The following P2RY10 variants were observed in gnomAD, a reference collection of about 807,000 sequenced individuals.
P2RY10 encodes the protein putative P2Y purinoceptor 10.
A neutral mutation model predicts 12.1 loss-of-function variants in P2RY10; 4 were observed. That is an observed-to-expected ratio of 0.33 (90% confidence interval 0.16 to 0.76). The LOEUF is 0.76. Ranked by LOEUF, P2RY10 falls within the 30% of genes least tolerant of loss-of-function variation. The pLI is 0.61. For missense variants in P2RY10, 233 were observed against 264.6 expected (o/e 0.88, Z 0.83); for synonymous variants, 112 against 94.1 (o/e 1.19, Z -1.10).
intron 3 of P2RY10, among the ~76,000 whole-genome samples, chrX:78,955,425 T>C (rs1476444119): frequency 8.9e-6 from 1 of 112,450 alleles, no homozygotes; most frequent in Non-Finnish European, 1.9e-5. Flanking sequence ...AAAGCTTATA[T>C]ACCATCTTGA....
intron 2 of P2RY10, among the ~76,000 whole-genome samples, chrX:78,948,814 C>T (rs1921969227): frequency 8.9e-6 from 1 of 112,152 alleles, no homozygotes; most frequent in Non-Finnish European, 1.9e-5. Context: ...CTTTTTATGG[C>T]TGAGGAGTAT....
chrX:78,946,604 A>G (rs776870021), intron 1 of P2RY10, among the ~76,000 whole-genome samples: 1 of 112,289 alleles, frequency 8.9e-6, no homozygotes, highest in African/African-American at 3.2e-5. Context: ...TATGATGTAT[A>G]TTAATTGGAG....
chrX:78,954,599 T>A, intron 3 of P2RY10, among the ~76,000 whole-genome samples: 1 of 112,237 alleles, frequency 8.9e-6, no homozygotes, highest in Middle Eastern at 4.6e-3. Flanking sequence ...CTTTGTTACC[T>A]CTTTCATGAA....
intron 3 of P2RY10, among the ~76,000 whole-genome samples, chrX:78,958,849 T>G (rs945333567): frequency 3.6e-5 from 4 of 111,439 alleles, no homozygotes; most frequent in Admixed American, 9.5e-5. Context: ...AAAGCAAAAG[T>G]TTTATTTACA....
Position 78,947,879 on chromosome X carries a change from T to G in P2RY10, c.-157+16T>G. 1 of 648,934 alleles carries G rather than the reference T, an allele frequency of 1.5e-6. No homozygotes were observed. The highest frequency in any genetic ancestry group is 7.9e-5 in the South Asian group (1 of 12,609). The allele number at this position is 648,934 out of a possible 1,213,427, so 53.5% of individuals were successfully genotyped here. A position where few individuals can be genotyped will look rare whatever the true frequency, so the allele number is the denominator to read the frequency against. On this transcript the variant is annotated intron_variant, in intron 2 of 3. Coordinates refer to ENST00000171757, the MANE Select transcript of P2RY10 (RefSeq NM_014499.4). ...CAAATGCTTTGTAAGTAATTTCCCT[T>G]TTTTAAAAATGAGAAAATGCAAGAC... is the stretch of plus-strand genomic sequence containing the variant.
chrX:78,957,518 A>G (rs1922397245), intron 3 of P2RY10, among the ~76,000 whole-genome samples: 1 of 110,297 alleles, frequency 9.1e-6, no homozygotes, highest in African/African-American at 3.3e-5. Context: ...CCTTTCTTAT[A>G]TTTCAGAAAT....
At chrX:78,955,477 G>A (rs760165355) in intron 3 of P2RY10, among the ~76,000 whole-genome samples, 13 of 112,658 alleles carry the variant, frequency 1.2e-4, no homozygotes, top group African/African-American at 3.5e-4. Flanking sequence ...TTCAAAAACA[G>A]TTTTTGGTGG....
intron 2 of P2RY10, among the ~76,000 whole-genome samples, chrX:78,950,982 T>A (rs1192349975): frequency 8.9e-6 from 1 of 111,982 alleles, no homozygotes; most frequent in Non-Finnish European, 1.9e-5. Flanking sequence ...ACTTAGCTAG[T>A]TACTGACAGG....
In P2RY10 at chrX:78,961,511, A is replaced by G. The variant is rs1363721648; in HGVS notation, c.991A>G (p.Lys331Glu). 1 of 1,202,925 alleles carries G rather than the reference A, an allele frequency of 8.3e-7. No individual in the cohort carries two copies. The highest frequency in any genetic ancestry group is 1.1e-6 in the Non-Finnish European group (1 of 890,454). Residue 331 changes from lysine to glutamate, a missense_variant, in exon 4 of 4, where the codon AAG becomes GAG. By Grantham distance (56) the Lys-to-Glu change is moderately conservative. Coordinates refer to ENST00000171757, the MANE Select transcript of P2RY10 (RefSeq NM_014499.4). Reference protein sequence around the residue: ...SSVTRSRLMSKESGSSMIG With the variant: ...SSVTRSRLMSEESGSSMIG ...TGTGACCCGCTCCCGCCTCATGAGC[A>G]AGGAGAGTGGTTCATCAATGATTGG...
intron 2 of P2RY10, among the ~76,000 whole-genome samples, chrX:78,951,853 T>C (rs1483409523): frequency 9.0e-6 from 1 of 111,568 alleles, no homozygotes; most frequent in Non-Finnish European, 1.9e-5. Context: ...GCTGCAAAGA[T>C]CATCCCATCA....
At chrX:78,948,080 T>C (rs1287053256) in intron 2 of P2RY10, among the ~76,000 whole-genome samples, 1 of 112,088 alleles carries the variant, frequency 8.9e-6, no homozygotes, top group African/African-American at 3.2e-5. Context: ...ATCTGCTCCA[T>C]CACATTGACA....
chrX:78,947,112 A>G (rs1387905847), intron 1 of P2RY10, among the ~76,000 whole-genome samples: 1 of 110,656 alleles, frequency 9.0e-6, no homozygotes, highest in African/African-American at 3.3e-5. Context: ...CTACTGGGCA[A>G]GCTGAGGCTG....
chrX:78,958,864 C>T (rs1043614301), intron 3 of P2RY10, among the ~76,000 whole-genome samples: 10 of 111,654 alleles, frequency 9.0e-5, no homozygotes, highest in Non-Finnish European at 3.8e-5. Flanking sequence ...TTTACAGTAA[C>T]AGCAGCTCAT....
In P2RY10 at chrX:78,948,695, T is replaced by C. The variant is rs969687321; in HGVS notation, c.-157+832T>C. On this transcript the variant is annotated intron_variant, in intron 2 of 3. Coordinates refer to ENST00000171757, the MANE Select transcript of P2RY10 (RefSeq NM_014499.4). ...TGCATAATCATAGCTTATCTGTCAC[T>C]TATAAGTGAGAACATCTATTTTTTT... 2.9e-4 allele frequency among the ~76,000 whole-genome samples: 32 copies of C among 111,846 alleles called. 1 individual carries two copies. The highest frequency in any genetic ancestry group is 2.7e-3 in the Admixed American group (28 of 10,547).
chrX:78,948,287 C>A (rs1921939301), intron 2 of P2RY10, among the ~76,000 whole-genome samples: 1 of 111,815 alleles, frequency 8.9e-6, no homozygotes, highest in East Asian at 2.8e-4. Context: ...ATATTCTAGT[C>A]CTCTGCTACA....
chrX:78,954,019 C>T (rs756735870), intron 3 of P2RY10, among the ~76,000 whole-genome samples: 5 of 111,020 alleles, frequency 4.5e-5, no homozygotes, highest in African/African-American at 9.8e-5. Context: ...GGCGTGCCAC[C>T]GCACCCAGCT....
chrX:78,961,247 C>A lies in P2RY10; in HGVS notation c.727C>A (p.Arg243=), dbSNP rs775833274. The change falls in exon 4 of 4, where the codon CGG becomes AGG. Residue 243 remains arginine, a synonymous_variant. Transcript: ENST00000171757. The stretch of plus-strand genomic sequence containing the variant: ...GATCAGTGAGAGGCAGAAAGCACTG[C>A]GGATGGTGTTCATGTGTGCTGCAGT... ...QGISERQKAL[R]MVFMCAAVFF... 4 of 1,210,036 alleles carry A rather than the reference C, an allele frequency of 3.3e-6. No homozygotes were observed. The highest frequency in any genetic ancestry group is 4.5e-6 in the Non-Finnish European group (4 of 894,073).
At chrX:78,955,088 T>C (rs1922276879) in intron 3 of P2RY10, among the ~76,000 whole-genome samples, 1 of 112,050 alleles carries the variant, frequency 8.9e-6, no homozygotes, top group Admixed American at 9.5e-5. Flanking sequence ...GTATCCATTG[T>C]TCTATTTAAA....
In P2RY10 at chrX:78,961,108, C is replaced by T. The variant is rs952582392; in HGVS notation, c.588C>T (p.Val196=). The T allele has an allele frequency of 2.2e-5, 26 of 1,208,933 alleles. No individual in the cohort carries two copies. In the Admixed American group the frequency reaches 2.6e-4, roughly 12 times the overall value. Residue 196 remains valine, a synonymous_variant, in exon 4 of 4, where the codon GTC becomes GTT. Transcript: ENST00000171757. ...AGCAAATGAATGCAGTTGCGTTGGTCGGGATGATTACAGTTGCTGAGCTTG... is the reference window on the plus strand; with the variant it reads ...AGCAAATGAATGCAGTTGCGTTGGTTGGGATGATTACAGTTGCTGAGCTTG... The part of the protein sequence containing the change: ...GYKQMNAVAL[V]GMITVAELAG...
Sources: allele counts gnomAD v4.1 joint callset (sites outside exome capture counted in the v4.1 genomes callset), GRCh38; gene constraint gnomAD v4.1.1; transcripts MANE v1.5; gene names NCBI Gene and HGNC (gene_info 2026-07-23, HGNC 2026-07-21).